CSMD1: variants seen among roughly 807,000 people sequenced by gnomAD.
CSMD1 encodes the protein CUB and sushi domain-containing protein 1.
CSMD1 carries 213 observed loss-of-function variants against 417.5 expected under a neutral mutation model. The observed-to-expected ratio is 0.51, with a 90% CI of 0.46 to 0.57. The LOEUF (loss-of-function observed/expected upper bound fraction) is 0.57, where lower values mean the gene tolerates loss of function less well. Among genes scored for constraint, CSMD1 ranks in the 20% least tolerant of loss-of-function variants. CSMD1 has a pLI of 0.00. For missense variants in CSMD1, 6,923 were observed against 4,529.7 expected (o/e 1.53, Z -15.17); for synonymous variants, 2,862 against 1,736.8 (o/e 1.65, Z -16.11).
chr8:3,544,757 G>A (rs1394407459), intron 10 of CSMD1, among the ~76,000 whole-genome samples: 1 of 152,030 alleles, frequency 6.6e-6, no homozygotes, highest in Non-Finnish European at 1.5e-5. Flanking sequence ...GACAGGGAAT[G>A]GAGCCAAATC....
intron 32 of CSMD1, among the ~76,000 whole-genome samples, chr8:3,200,363 TG>T (rs1201570305): frequency 6.6e-6 from 1 of 151,910 alleles, no homozygotes; most frequent in Non-Finnish European, 1.5e-5. Context: ...GAGACCAGCC[TG>T]GCCAACATGG....
chr8:3,364,673 C>G (rs1252760974), intron 20 of CSMD1, among the ~76,000 whole-genome samples: 1 of 152,266 alleles, frequency 6.6e-6, no homozygotes, highest in South Asian at 2.1e-4. Context: ...CTCTTTTACC[C>G]CATGGGGATA....
At chr8:3,967,793 T>A (rs1256681959) in intron 5 of CSMD1, among the ~76,000 whole-genome samples, 6 of 152,042 alleles carry the variant, frequency 3.9e-5, no homozygotes, top group Non-Finnish European at 7.4e-5. Flanking sequence ...TTAATCTACA[T>A]ATCCAATTTG....
intron 1 of CSMD1, among the ~76,000 whole-genome samples, chr8:4,858,385 A>T (rs1208013475): frequency 6.6e-6 from 1 of 151,378 alleles, no homozygotes; most frequent in Non-Finnish European, 1.5e-5. Context: ...CACCACTCCT[A>T]TTCAACGTAG....
intron 3 of CSMD1, among the ~76,000 whole-genome samples, chr8:4,214,575 G>C (rs942880784): frequency 6.6e-6 from 1 of 152,164 alleles, no homozygotes; most frequent in Non-Finnish European, 1.5e-5. Flanking sequence ...TGGAATTACA[G>C]GCATGAGCCA....
intron 3 of CSMD1, among the ~76,000 whole-genome samples, chr8:4,077,301 A>ATATG (rs1554439890): frequency 2.7e-5 from 2 of 73,542 alleles, no homozygotes; most frequent in African/African-American, 7.3e-5. Flanking sequence ...ATATGTGTAT[A>ATATG]TATATATATA....
intron 1 of CSMD1, among the ~76,000 whole-genome samples, chr8:4,656,779 G>C (rs1218320282): frequency 6.6e-6 from 1 of 151,948 alleles, no homozygotes; most frequent in Non-Finnish European, 1.5e-5. Flanking sequence ...CGTGATCCTA[G>C]AAAGGACCGT....
At chr8:4,112,120 C>T (rs1293325599) in intron 3 of CSMD1, among the ~76,000 whole-genome samples, 2 of 152,148 alleles carry the variant, frequency 1.3e-5, no homozygotes, top group Non-Finnish European at 2.9e-5. Context: ...CCCACAAGAT[C>T]AGGGGCCCCT....
intron 3 of CSMD1, among the ~76,000 whole-genome samples, chr8:4,301,072 A>T (rs915368825): frequency 1.3e-5 from 2 of 152,180 alleles, no homozygotes; most frequent in Non-Finnish European, 2.9e-5. Flanking sequence ...TCAGGACTGT[A>T]AAGTGGATGC....
chr8:3,984,011 C>T (rs945984562), intron 5 of CSMD1, among the ~76,000 whole-genome samples: 1 of 148,532 alleles, frequency 6.7e-6, no homozygotes, highest in East Asian at 2.0e-4. Context: ...TCTGATGGGG[C>T]TGTCAATTGC....
chr8:4,395,075 G>A (rs1804109358), intron 3 of CSMD1, among the ~76,000 whole-genome samples: 1 of 152,122 alleles, frequency 6.6e-6, no homozygotes, highest in South Asian at 2.1e-4. Context: ...AGGGTGTCCT[G>A]GCACCTCCTG....
At chr8:4,165,345 C>T (rs565404206) in intron 3 of CSMD1, among the ~76,000 whole-genome samples, 1 of 152,350 alleles carries the variant, frequency 6.6e-6, no homozygotes, top group South Asian at 2.1e-4. Flanking sequence ...CGTGGTGTCC[C>T]ACAAATTCCT....
At chr8:4,532,705 G>T (rs1479000457) in intron 2 of CSMD1, among the ~76,000 whole-genome samples, 2 of 114,390 alleles carry the variant, frequency 1.7e-5, no homozygotes, top group East Asian at 2.7e-4. Context: ...ACTTTGAAAA[G>T]AAATCCTGCA....
intron 23 of CSMD1, among the ~76,000 whole-genome samples, chr8:3,333,882 G>T (rs980028412): frequency 6.6e-6 from 1 of 152,186 alleles, no homozygotes; most frequent in Non-Finnish European, 1.5e-5. Flanking sequence ...TCACAACCAA[G>T]AATGTCTGGG....
At chr8:4,442,497 TA>T (rs1220267140) in intron 2 of CSMD1, among the ~76,000 whole-genome samples, 3 of 152,142 alleles carry the variant, frequency 2.0e-5, no homozygotes, top group Admixed American at 1.3e-4. Context: ...GTTATGTATA[TA>T]AAAGATGTTA....
chr8:4,005,263 C>T (rs1816019430), intron 4 of CSMD1, among the ~76,000 whole-genome samples: 1 of 152,162 alleles, frequency 6.6e-6, no homozygotes, highest in African/African-American at 2.4e-5. Flanking sequence ...CAAACACCAT[C>T]TACACCCCAA....
intron 4 of CSMD1, among the ~76,000 whole-genome samples, chr8:4,015,887 C>T (rs1195316693): frequency 1.3e-5 from 2 of 152,090 alleles, no homozygotes; most frequent in Admixed American, 6.6e-5. Context: ...TCTCATGCTT[C>T]CAAGCAAAAC....
chr8:2,970,294 T>C (rs1804337381), intron 57 of CSMD1, among the ~76,000 whole-genome samples: 1 of 152,194 alleles, frequency 6.6e-6, no homozygotes, highest in Non-Finnish European at 1.5e-5. Context: ...TCTTTTAAGT[T>C]TTCAAAACTG....
intron 3 of CSMD1, among the ~76,000 whole-genome samples, chr8:4,375,736 C>G (rs963593246): frequency 2.0e-5 from 3 of 152,192 alleles, no homozygotes; most frequent in Non-Finnish European, 2.9e-5. Flanking sequence ...CACTTCCCGA[C>G]TGCCTGCACC....
Sources: gnomAD v4.1 joint callset for allele counts (sites outside exome capture counted in the v4.1 genomes callset) on GRCh38, gnomAD v4.1.1 for gene constraint, MANE v1.5 for transcripts, NCBI Gene and HGNC (gene_info 2026-07-23, HGNC 2026-07-21) for gene names.